Variants in CNTNAP2 observed in about 807,000 individuals in gnomAD.
CNTNAP2 encodes contactin associated protein 2, also known as contactin-associated protein-like 2.
CNTNAP2 carries 98 observed loss-of-function variants against 155.2 expected under a neutral mutation model. The ratio of observed to expected loss-of-function variants is 0.63; its 90% confidence interval spans 0.54 to 0.75. The LOEUF (loss-of-function observed/expected upper bound fraction) is 0.75. CNTNAP2 is among the 30% of genes least tolerant of loss of function. The pLI, the probability that CNTNAP2 is intolerant of heterozygous loss-of-function variation, is 0.00. For missense variants in CNTNAP2, 1,727 were observed against 1,688.1 expected (o/e 1.02, Z -0.40); for synonymous variants, 651 against 631.2 (o/e 1.03, Z -0.47).
chr7:147,594,710 A>G (rs1217066165), intron 12 of CNTNAP2, among the ~76,000 whole-genome samples: 3 of 152,212 alleles, frequency 2.0e-5, no homozygotes, highest in Non-Finnish European at 2.9e-5. Context: ...TAGAAACTCT[A>G]AGCAAGATAG....
intron 9 of CNTNAP2, among the ~76,000 whole-genome samples, chr7:147,385,275 T>C (rs755272531): frequency 5.9e-5 from 9 of 152,138 alleles, no homozygotes; most frequent in Non-Finnish European, 1.2e-4. Context: ...GTCTGGCCCC[T>C]TCCAAATCTC....
At chr7:146,612,534 G>A (rs888141084) in intron 1 of CNTNAP2, among the ~76,000 whole-genome samples, 1 of 152,118 alleles carries the variant, frequency 6.6e-6, no homozygotes, top group Non-Finnish European at 1.5e-5. Context: ...ATCCATTCTT[G>A]TTGGCAGACC....
intron 3 of CNTNAP2, among the ~76,000 whole-genome samples, chr7:146,906,208 G>A (rs980212321): frequency 2.7e-4 from 41 of 151,968 alleles, no homozygotes; most frequent in East Asian, 1.8e-3. Context: ...ACTGCAAGGC[G>A]GCAGCGAGGC....
intron 1 of CNTNAP2, among the ~76,000 whole-genome samples, chr7:146,256,797 AC>A (rs1438101080): frequency 2.6e-5 from 4 of 152,154 alleles, no homozygotes; most frequent in Admixed American, 6.5e-5. Context: ...GGAAAAAAAA[AC>A]ATGAGATTTG....
intron 14 of CNTNAP2, among the ~76,000 whole-genome samples, chr7:147,936,331 T>C (rs1227108417): frequency 1.3e-5 from 2 of 151,662 alleles, no homozygotes; most frequent in Non-Finnish European, 2.9e-5. Context: ...CTTATTTTGA[T>C]CCAGTGGATC....
At chr7:148,361,847 C>A (rs563723251) in intron 21 of CNTNAP2, among the ~76,000 whole-genome samples, 1 of 152,250 alleles carries the variant, frequency 6.6e-6, no homozygotes, top group South Asian at 2.1e-4. Context: ...CTTCACAGGG[C>A]GGCAGGAGAG....
intron 15 of CNTNAP2, among the ~76,000 whole-genome samples, chr7:148,060,677 T>A (rs539321937): frequency 6.6e-6 from 1 of 152,340 alleles, no homozygotes; most frequent in East Asian, 1.9e-4. Flanking sequence ...ATAGACAAGG[T>A]AAAATCAGCT....
rs578203477 is a variant in CNTNAP2, at chr7:147,766,848, T to C, written c.2098+127542T>C. 1.4e-3 allele frequency among the ~76,000 whole-genome samples: 217 copies of C among 152,232 alleles called. 1 individual carries two copies. Among genetic ancestry groups the C allele is most frequent in the African/African-American group, 4.9e-3 (204 of 41,574 alleles). On this transcript the variant is annotated intron_variant, in intron 13 of 23. Coordinates refer to ENST00000361727, the MANE Select transcript of CNTNAP2 (RefSeq NM_014141.6). ...TCATCTGTTCTAGGTAATCAACTAA[T>C]AGTTTTTTATGAATAAGAATTAAAT...
chr7:146,568,684 A>G (rs985249633), intron 1 of CNTNAP2, among the ~76,000 whole-genome samples: 3 of 152,138 alleles, frequency 2.0e-5, no homozygotes, highest in Non-Finnish European at 4.4e-5. Context: ...GGTTTTACAG[A>G]TTCTACTGAT....
intron 13 of CNTNAP2, among the ~76,000 whole-genome samples, chr7:147,774,618 T>C (rs851674): frequency 0.44 from 66,887 of 152,024 alleles, 17,113 homozygotes; most frequent in African/African-American, 0.72. Context: ...TAAGCAGAAA[T>C]GCCGGAGAGC....
chr7:147,402,952 GAAAAA>G (rs201092537), intron 10 of CNTNAP2, among the ~76,000 whole-genome samples: 1 of 94,800 alleles, frequency 1.1e-5, no homozygotes, highest in Non-Finnish European at 2.5e-5. Context: ...AAATAATCCT[GAAAAA>G]AAAAAAAAAA....
intron 13 of CNTNAP2, among the ~76,000 whole-genome samples, chr7:147,899,973 G>A (rs1399975557): frequency 6.6e-6 from 1 of 151,740 alleles, no homozygotes; most frequent in East Asian, 1.9e-4. Flanking sequence ...TCTTTCCACT[G>A]CCTACCACGT....
chr7:146,261,214 C>T lies in CNTNAP2; in HGVS notation c.97+144241C>T, dbSNP rs546969840. On this transcript the variant is annotated intron_variant, in intron 1 of 23. Coordinates refer to ENST00000361727, the MANE Select transcript of CNTNAP2 (RefSeq NM_014141.6). ...TAAACCTCTTTTGTTTGTAAATTAC[C>T]CAGTGTCAGGTAGTATCTTTATAGC... 1.8e-4 allele frequency among the ~76,000 whole-genome samples: 28 copies of T among 151,984 alleles called. No homozygotes were observed. In the South Asian group the frequency reaches 5.8e-3, roughly 32 times the overall value.
chr7:146,435,646 A>T (rs189269399), intron 1 of CNTNAP2, among the ~76,000 whole-genome samples: 3 of 152,202 alleles, frequency 2.0e-5, no homozygotes, highest in African/African-American at 7.2e-5. Context: ...GCAGTATATT[A>T]TATAGGCACT....
intron 2 of CNTNAP2, among the ~76,000 whole-genome samples, chr7:146,835,933 T>C (rs1204292526): frequency 2.6e-5 from 4 of 152,180 alleles, no homozygotes; most frequent in Admixed American, 2.6e-4. Context: ...ACTGGCTTTT[T>C]ATAGCCCCAG....
intron 15 of CNTNAP2, among the ~76,000 whole-genome samples, chr7:148,073,056 C>T (rs774146042): frequency 2.0e-5 from 3 of 152,126 alleles, no homozygotes; most frequent in Non-Finnish European, 4.4e-5. Flanking sequence ...CCTCTGCCTA[C>T]TAAATGCCAT....
At chr7:147,945,804 T>C (rs1172294890) in intron 14 of CNTNAP2, among the ~76,000 whole-genome samples, 3 of 151,456 alleles carry the variant, frequency 2.0e-5, no homozygotes, top group Non-Finnish European at 4.4e-5. Flanking sequence ...TTGGTTGCAC[T>C]CCCTGGAAAC....
intron 3 of CNTNAP2, among the ~76,000 whole-genome samples, chr7:146,907,107 G>C (rs1259289393): frequency 6.6e-6 from 1 of 151,800 alleles, no homozygotes; most frequent in African/African-American, 2.4e-5. Flanking sequence ...AGAGAAAAAA[G>C]AATAAAAAGA....
At chr7:146,524,511 A>T (rs1037531057) in intron 1 of CNTNAP2, among the ~76,000 whole-genome samples, 1 of 152,080 alleles carries the variant, frequency 6.6e-6, no homozygotes, top group Non-Finnish European at 1.5e-5. Context: ...GTTCCAGTTG[A>T]CCACGATTGT....
Sources: allele counts gnomAD v4.1 joint callset (sites outside exome capture counted in the v4.1 genomes callset), GRCh38; gene constraint gnomAD v4.1.1; transcripts MANE v1.5; gene names NCBI Gene and HGNC (gene_info 2026-07-23, HGNC 2026-07-21).